The following AP4E1 variants were observed in gnomAD, a reference collection of about 807,000 sequenced individuals.
The protein encoded by AP4E1 is adaptor related protein complex 4 subunit epsilon 1, also known as AP-4 complex subunit epsilon-1.
Under a neutral mutation model 128.2 loss-of-function variants are expected in AP4E1, and 56 were observed. The observed-to-expected ratio is 0.44, with a 90% CI of 0.35 to 0.55. AP4E1 has a LOEUF of 0.55. Among genes scored for constraint, AP4E1 ranks in the 20% least tolerant of loss-of-function variants. AP4E1 has a pLI of 0.00. For missense variants in AP4E1, 1,324 were observed against 1,307.7 expected (o/e 1.01, Z -0.19); for synonymous variants, 484 against 473.1 (o/e 1.02, Z -0.30).
intron 4 of AP4E1, among the ~76,000 whole-genome samples, chr15:50,924,828 T>C (rs1320946185): frequency 6.6e-6 from 1 of 152,206 alleles, no homozygotes; most frequent in East Asian, 1.9e-4. Flanking sequence ...TTAAAGGCTG[T>C]AATAAAGGAG....
chr15:50,956,350 C>T (rs1266101650), intron 13 of AP4E1, among the ~76,000 whole-genome samples: 1 of 152,124 alleles, frequency 6.6e-6, no homozygotes. Context: ...TATACATTTT[C>T]CCTTGCTTAT....
At position 51,001,162 on chromosome 15, in the gene AP4E1, C is replaced by T. The variant is rs1371347778; in HGVS notation, c.3232C>T (p.Leu1078Phe). The part of the protein sequence containing the change: ...ALKTLQQKLR[L>F]HIIEIIGNEG... ...AAAGACTCTGCAACAGAAACTAAGA[C>T]TCCATATTATTGAGATTATAGGTTT... is the stretch of plus-strand genomic sequence containing the variant. Residue 1078 changes from leucine to phenylalanine, a missense_variant, in exon 20 of 21, where the codon CTC (leucine) becomes TTC (phenylalanine). Coordinates refer to ENST00000261842, the MANE Select transcript of AP4E1 (RefSeq NM_007347.5). The T allele has an allele frequency of 1.2e-6, 2 of 1,613,346 alleles. No individual in the cohort carries two copies. The highest frequency in any genetic ancestry group is 1.7e-5 in the Admixed American group (1 of 59,976).
chr15:50,961,221 A>T (rs1346794354), intron 14 of AP4E1, among the ~76,000 whole-genome samples: 1 of 152,108 alleles, frequency 6.6e-6, no homozygotes, highest in Non-Finnish European at 1.5e-5. Context: ...AGTCCAAAAA[A>T]ATCGAAGAGG....
At chr15:50,910,309 A>G (rs1297210893) in intron 1 of AP4E1, among the ~76,000 whole-genome samples, 1 of 152,138 alleles carries the variant, frequency 6.6e-6, no homozygotes, top group African/African-American at 2.4e-5. Flanking sequence ...GGTTGCACGG[A>G]TTGTGTAGTA....
chr15:50,942,762 G>A (rs993416840), intron 10 of AP4E1, among the ~76,000 whole-genome samples: 5 of 150,122 alleles, frequency 3.3e-5, no homozygotes, highest in African/African-American at 9.8e-5. Flanking sequence ...GTCTACTTGG[G>A]TGTCTATATA....
intron 15 of AP4E1, among the ~76,000 whole-genome samples, 192 bp downstream of exon 15, chr15:50,968,569 A>G (rs2064428776): frequency 6.6e-6 from 1 of 152,182 alleles, no homozygotes; most frequent in South Asian, 2.1e-4. Context: ...AGATATTGCT[A>G]AAGACATAGG....
intron 14 of AP4E1, among the ~76,000 whole-genome samples, chr15:50,963,195 A>T (rs79769282): frequency 0.018 from 2,817 of 152,290 alleles, 106 homozygotes; most frequent in African/African-American, 0.065. Flanking sequence ...GAGTTTTCAA[A>T]AAACCAAAAA....
Position 50,968,277 on chromosome 15 carries a change from A to T in AP4E1, c.1866A>T (p.Leu622Phe), listed in dbSNP as rs2064422153. ...SCEDLVVDASLSFLDGFVAEG... is the reference protein window; with the variant it reads ...SCEDLVVDASFSFLDGFVAEG... Reference sequence around the variant, plus strand: ...TTTTAATATAGGTAGATGCTTCTTTATCTTTTCTGGATGGTTTTGTGGCTG... The same window carrying T: ...TTTTAATATAGGTAGATGCTTCTTTTTCTTTTCTGGATGGTTTTGTGGCTG... Residue 622 changes from leucine (L) to phenylalanine (F), a missense_variant, in exon 15 of 21, where the codon TTA becomes TTT. Coordinates refer to ENST00000261842, the MANE Select transcript of AP4E1 (RefSeq NM_007347.5). 6.2e-7 allele frequency: 1 copy of T among 1,612,792 alleles called. No homozygotes were observed. Among genetic ancestry groups the T allele is most frequent in the African/African-American group, 1.3e-5 (1 of 74,852 alleles).
chr15:51,001,393 CA>C (rs1257683593), intron 20 of AP4E1, among the ~76,000 whole-genome samples: 1 of 152,156 alleles, frequency 6.6e-6, no homozygotes, highest in Non-Finnish European at 1.5e-5. Flanking sequence ...AATTTTTAAA[CA>C]TATAGTTAAG....
intron 2 of AP4E1, 125 bp downstream of exon 2, chr15:50,912,274 G>C (rs2063575005): frequency 6.6e-6 from 6 of 904,374 alleles, no homozygotes; most frequent in South Asian, 2.7e-5. Flanking sequence ...ATGAATTATA[G>C]TTGGTAGCAA....
At chr15:50,950,692 T>G (rs2064136623) in intron 13 of AP4E1, among the ~76,000 whole-genome samples, 1 of 151,994 alleles carries the variant, frequency 6.6e-6, no homozygotes, top group Non-Finnish European at 1.5e-5. Context: ...TGCCATGGTG[T>G]TTTTTGCTGC....
At chr15:50,965,345 C>T (rs1596489656) in intron 14 of AP4E1, among the ~76,000 whole-genome samples, 1 of 152,082 alleles carries the variant, frequency 6.6e-6, no homozygotes, top group African/African-American at 2.4e-5. Context: ...TTGTCAGATC[C>T]CTGGGCAGTG....
intron 16 of AP4E1, among the ~76,000 whole-genome samples, chr15:50,988,820 T>G (rs1277245572): frequency 6.6e-6 from 1 of 152,206 alleles, no homozygotes; most frequent in Non-Finnish European, 1.5e-5. Flanking sequence ...CTATGGAAGC[T>G]GTATACTTTG....
In AP4E1 at chr15:50,908,808, G is replaced by T. The variant is rs771366562; in HGVS notation, c.30G>T (p.Thr10=). Residue 10 remains threonine (T), a synonymous_variant, in exon 1 of 21, where the codon ACG becomes ACT. Coordinates refer to ENST00000261842, the MANE Select transcript of AP4E1 (RefSeq NM_007347.5). MSDIVEKTL[T]ALPGLFLQNQ... ...GCGACATAGTGGAGAAGACGCTGAC[G>T]GCGCTGCCGGGACTCTTTCTGCAGA... 6.2e-7 allele frequency: 1 copy of T among 1,600,504 alleles called. No individual in the cohort carries two copies. Among genetic ancestry groups the T allele is most frequent in the Non-Finnish European group, 8.5e-7 (1 of 1,174,994 alleles).
chr15:50,997,452 G>T lies in AP4E1; in HGVS notation c.2473G>T (p.Ala825Ser). ...TTCCTTTAGTTCTTTGTCAAATGTG[G>T]CATATGAAGATGATTATTATTCGAA... Reference protein sequence around the residue: ...CSSFSSLSNVAYEDDYYSNTL... With the variant: ...CSSFSSLSNVSYEDDYYSNTL... The change falls in exon 18 of 21, where the codon GCA (alanine) becomes TCA (serine). Residue 825 changes from alanine to serine, a missense_variant. Physicochemically the swap from Ala to Ser is moderately conservative, Grantham distance 99. Transcript: ENST00000261842. 2 of 1,613,898 alleles carry T rather than the reference G, an allele frequency of 1.2e-6. No homozygotes were observed. The highest frequency in any genetic ancestry group is 1.7e-5 in the Admixed American group (1 of 60,008).
chr15:50,946,653 A>G (rs894507326), intron 10 of AP4E1, among the ~76,000 whole-genome samples: 1 of 152,218 alleles, frequency 6.6e-6, no homozygotes, highest in Non-Finnish European at 1.5e-5. Flanking sequence ...TATATTGAGT[A>G]AGTTTGACAA....
intron 3 of AP4E1, among the ~76,000 whole-genome samples, chr15:50,921,039 T>C (rs980733112): frequency 6.8e-6 from 1 of 146,040 alleles, no homozygotes; most frequent in African/African-American, 2.5e-5. Flanking sequence ...CTGATCTCAG[T>C]TGATCCACCC....
At chr15:50,921,167 C>T (rs775470864) in intron 3 of AP4E1, among the ~76,000 whole-genome samples, 8 of 151,074 alleles carry the variant, frequency 5.3e-5, no homozygotes, top group Non-Finnish European at 1.2e-4. Flanking sequence ...TTATTATTTT[C>T]TTTTTAGAGA....
intron 2 of AP4E1, among the ~76,000 whole-genome samples, chr15:50,912,757 G>C (rs1297368978): frequency 6.6e-6 from 1 of 151,898 alleles, no homozygotes; most frequent in East Asian, 1.9e-4. Flanking sequence ...CTGCCTCCTG[G>C]ATTCAACCGA....
Sources: allele counts gnomAD v4.1 joint callset (sites outside exome capture counted in the v4.1 genomes callset), GRCh38; gene constraint gnomAD v4.1.1; transcripts MANE v1.5; gene names NCBI Gene and HGNC (gene_info 2026-07-23, HGNC 2026-07-21).